Variants in VPS50 observed in about 807,000 individuals in gnomAD.
VPS50 encodes the protein VPS50 subunit of EARP/GARPII complex, also known as syndetin.
VPS50 carries 70 observed loss-of-function variants against 139.7 expected under a neutral mutation model. The observed-to-expected ratio is 0.50, with a 90% CI of 0.41 to 0.61. VPS50 has a LOEUF of 0.61. Ranked by LOEUF, VPS50 falls within the 20% of genes least tolerant of loss-of-function variation. VPS50 has a pLI of 0.00. For missense variants in VPS50, 921 were observed against 1,133.7 expected (o/e 0.81, Z 2.69); for synonymous variants, 365 against 376.7 (o/e 0.97, Z 0.36).
rs572304310 is a variant in VPS50, at chr7:93,304,667, C to T, written c.1452+1117C>T. Among the ~76,000 whole-genome samples the T allele has an allele frequency of 4.0e-4, 60 of 151,770 alleles. 1 individual carries two copies. Among genetic ancestry groups the T allele is most frequent in the African/African-American group, 1.3e-3 (53 of 41,464 alleles). Reference sequence around the variant, plus strand: ...ATCAGACTGTGTGTGTGTGCTGTCACGTTGTCAAACTTAGTATAATTGTAA... The same window carrying T: ...ATCAGACTGTGTGTGTGTGCTGTCATGTTGTCAAACTTAGTATAATTGTAA... On this transcript the variant is annotated intron_variant, in intron 17 of 27. Transcript: ENST00000305866.
Position 93,315,881 on chromosome 7 carries a change from T to C in VPS50, c.1855+4609T>C, listed in dbSNP as rs188311508. On this transcript the variant is annotated intron_variant, in intron 20 of 27. Coordinates refer to ENST00000305866, the MANE Select transcript of VPS50 (RefSeq NM_017667.4). ...TCACTACTTTGTTTCTGGCTAGCTG[T>C]TGGAGTTACAGTCATGAAGAAACCA... is the stretch of plus-strand genomic sequence containing the variant. 2.6e-5 allele frequency among the ~76,000 whole-genome samples: 4 copies of C among 151,948 alleles called. No individual in the cohort carries two copies. The East Asian group carries it at 7.7e-4, about 29-fold the overall frequency.
intron 17 of VPS50, among the ~76,000 whole-genome samples, chr7:93,304,216 A>T (rs1797055749): frequency 6.6e-6 from 1 of 151,860 alleles, no homozygotes; most frequent in East Asian, 1.9e-4. Context: ...AATGCAGTGC[A>T]TATAGTTAGA....
intron 16 of VPS50, among the ~76,000 whole-genome samples, chr7:93,302,198 A>G (rs538611396): frequency 1.3e-5 from 2 of 152,296 alleles, no homozygotes; most frequent in Non-Finnish European, 2.9e-5. Context: ...TGTATGTGGT[A>G]TGAGCTATGA....
chr7:93,286,792 T>C (rs989003306), intron 12 of VPS50, among the ~76,000 whole-genome samples: 3 of 152,082 alleles, frequency 2.0e-5, no homozygotes, highest in African/African-American at 7.2e-5. Context: ...TTTTATAAAG[T>C]AGAAAATACT....
At chr7:93,235,086 G>A (rs1223291700) in intron 1 of VPS50, among the ~76,000 whole-genome samples, 1 of 152,174 alleles carries the variant, frequency 6.6e-6, no homozygotes, top group Non-Finnish European at 1.5e-5. Flanking sequence ...CACAGAGAAG[G>A]TAATATAAAA....
chr7:93,291,364 G>A (rs921578905), intron 12 of VPS50, among the ~76,000 whole-genome samples: 3 of 152,000 alleles, frequency 2.0e-5, no homozygotes, highest in Non-Finnish European at 4.4e-5. Flanking sequence ...GTATTTGCAT[G>A]TTTAGGATCA....
In VPS50 at chr7:93,237,305, A is replaced by G. The variant is rs367859993; in HGVS notation, c.34-2561A>G. Among the ~76,000 whole-genome samples the G allele has an allele frequency of 2.8e-3, 426 of 152,282 alleles. 1 individual carries two copies. The highest frequency in any genetic ancestry group is 0.023 in the South Asian group (109 of 4,830). On this transcript the variant is annotated intron_variant, in intron 1 of 27. Transcript: ENST00000305866. Reference sequence around the variant, plus strand: ...TGAATGATCATAGAATATAATGCACAGAAAGGATAGATAAGTTGTTCAAAA... The same window carrying G: ...TGAATGATCATAGAATATAATGCACGGAAAGGATAGATAAGTTGTTCAAAA...
At chr7:93,349,365 G>A (rs1186929147) in intron 24 of VPS50, among the ~76,000 whole-genome samples, 1 of 152,188 alleles carries the variant, frequency 6.6e-6, no homozygotes, top group Non-Finnish European at 1.5e-5. Context: ...AAAGCACCCT[G>A]CTTCAGGAGT....
chr7:93,306,459 A>G (rs929365630), intron 18 of VPS50, among the ~76,000 whole-genome samples: 8 of 151,900 alleles, frequency 5.3e-5, no homozygotes, highest in African/African-American at 1.9e-4. Context: ...TGGCAGGGAT[A>G]TTTTTTGAGA....
At position 93,278,219 on chromosome 7, in the gene VPS50, A is replaced by G. The variant is rs189819690; in HGVS notation, c.942+1914A>G. ...CATTTATATAACAAAAAGCTGAAAGATATACTTGGCTTACAAATTTTTATG... is the reference window on the plus strand; with the variant it reads ...CATTTATATAACAAAAAGCTGAAAGGTATACTTGGCTTACAAATTTTTATG... On this transcript the variant is annotated intron_variant, in intron 12 of 27. Coordinates refer to ENST00000305866, the MANE Select transcript of VPS50 (RefSeq NM_017667.4). 4.1e-3 allele frequency among the ~76,000 whole-genome samples: 632 copies of G among 152,300 alleles called. 5 individuals carry two copies. Among genetic ancestry groups the G allele is most frequent in the African/African-American group, 0.013 (552 of 41,550 alleles).
intron 14 of VPS50, 48 bp downstream of exon 14, chr7:93,294,684 C>A: frequency 7.2e-7 from 1 of 1,384,384 alleles, no homozygotes; most frequent in Non-Finnish European, 1.0e-6. Context: ...ATAGAAATGT[C>A]ATGTCATAGT....
intron 21 of VPS50, among the ~76,000 whole-genome samples, chr7:93,330,761 C>CAAAAAAAAAA: frequency 1.2e-5 from 1 of 83,706 alleles, no homozygotes; most frequent in Non-Finnish European, 2.1e-5. Flanking sequence ...GACCCTGTCT[C>CAAAAAAAAAA]AAAAAAAAAA....
chr7:93,353,655 A>T lies in VPS50; in HGVS notation c.2479A>T (p.Asn827Tyr). Reference protein sequence around the residue: ...DALLKEFEQFNRRLNEVSKRV... With the variant: ...DALLKEFEQFYRRLNEVSKRV... ...GTCTTCTTAGGAATTTGAGCAGTTT[A>T]ACAGGAGGCTAAATGAAGTTTCTAA... Residue 827 changes from asparagine to tyrosine, a missense_variant, in exon 26 of 28, where the codon AAC (asparagine) becomes TAC (tyrosine). Around this residue, in one of 3 missense-constraint regions of VPS50, gnomAD observed 19 missense variants for 46.8 expected, o/e 0.41. Coordinates refer to ENST00000305866, the MANE Select transcript of VPS50 (RefSeq NM_017667.4). 1 of 1,612,868 alleles carries T rather than the reference A, an allele frequency of 6.2e-7. No homozygotes were observed. Among genetic ancestry groups the T allele is most frequent in the East Asian group, 2.2e-5 (1 of 44,786 alleles).
intron 26 of VPS50, among the ~76,000 whole-genome samples, chr7:93,354,017 C>T (rs1190652325): frequency 2.0e-5 from 3 of 152,100 alleles, no homozygotes; most frequent in Admixed American, 6.5e-5. Context: ...GAAAGTTAAA[C>T]TAACATTATT....
At chr7:93,240,331 T>C (rs1794951438) in intron 2 of VPS50, among the ~76,000 whole-genome samples, 1 of 152,144 alleles carries the variant, frequency 6.6e-6, no homozygotes, top group Non-Finnish European at 1.5e-5. Context: ...TGACTTTTTA[T>C]ACTCCTAACA....
intron 22 of VPS50, among the ~76,000 whole-genome samples, chr7:93,340,443 G>C (rs1259859358): frequency 6.6e-6 from 1 of 152,156 alleles, no homozygotes; most frequent in South Asian, 2.1e-4. Context: ...GGCAAAAAAA[G>C]GTGGCCAGTG....
At chr7:93,298,225 A>G (rs999658082) in intron 16 of VPS50, among the ~76,000 whole-genome samples, 3 of 152,208 alleles carry the variant, frequency 2.0e-5, no homozygotes, top group African/African-American at 7.2e-5. Context: ...GAGTTTCATG[A>G]CTGAGAATGT....
chr7:93,356,102 ATTAAG>A (rs1798700172), intron 27 of VPS50, 22 bp downstream of exon 27: 2 of 1,261,426 alleles, frequency 1.6e-6, no homozygotes, highest in East Asian at 5.0e-5. Context: ...AAAATAGTTA[ATTAAG>A]TTTTTATTCC....
Position 93,246,078 on chromosome 7 carries a change from G to T in VPS50, c.102+6144G>T, listed in dbSNP as rs1471255664. 3.4e-6 allele frequency: 5 copies of T among 1,483,990 alleles called. No individual in the cohort carries two copies. The Admixed American group carries it at 1.0e-4, about 31-fold the overall frequency. 91.9% of individuals were successfully genotyped at this position (1,483,990 alleles called of 1,614,324 possible). On this transcript the variant is annotated intron_variant, in intron 2 of 27. Transcript: ENST00000305866. ...TCTGTTTAGATTTTGGTCACTAAAC[G>T]CTTCTTTTTTTTTTTGCTTTCAGTT...
Sources: gnomAD v4.1 joint callset for allele counts (sites outside exome capture counted in the v4.1 genomes callset) on GRCh38, gnomAD v4.1.1 for gene constraint, gnomAD v4.1.1 regional missense constraint, MANE v1.5 for transcripts, NCBI Gene and HGNC (gene_info 2026-07-23, HGNC 2026-07-21) for gene names.